TPO: variants seen among roughly 807,000 people sequenced by gnomAD.
TPO encodes the protein thyroid peroxidase.
In TPO, 78 loss-of-function variants were observed where a neutral mutation model predicts 96.9. The ratio of observed to expected loss-of-function variants is 0.81; its 90% CI spans 0.67 to 0.97. TPO has a LOEUF of 0.97. TPO is among the 50% of genes least tolerant of loss of function. The pLI is 0.00. For missense variants in TPO, 1,252 were observed against 1,274.8 expected, an observed-to-expected ratio of 0.98 and a Z score of 0.27; for synonymous variants, 547 against 538.0, an observed-to-expected ratio of 1.02 and a Z score of -0.23.
intron 15 of TPO, 44 bp from the exon 16 acceptor site, chr2:1,540,550 G>A (rs765380407): frequency 1.9e-6 from 3 of 1,608,864 alleles, no homozygotes; most frequent in East Asian, 2.2e-5. Context: ...CCACAGTCAC[G>A]GTGCCGGACC....
At chr2:1,405,514 C>T (rs1325886961) in intron 1 of TPO, among the ~76,000 whole-genome samples, 1 of 151,968 alleles carries the variant, frequency 6.6e-6, no homozygotes, top group Non-Finnish European at 1.5e-5. Flanking sequence ...CATCTATCCA[C>T]CCACCACCTC....
chr2:1,523,201 C>A (rs1675572276), intron 15 of TPO, among the ~76,000 whole-genome samples: 1 of 92,832 alleles, frequency 1.1e-5, no homozygotes. Flanking sequence ...CAACTGTTTG[C>A]AACCTCCCAA....
chr2:1,433,523 C>T lies in TPO; in HGVS notation c.265C>T (p.Arg89Ter), dbSNP rs759809305. The T allele has an allele frequency of 5.0e-6, 8 of 1,614,138 alleles. No individual in the cohort carries two copies. Among genetic ancestry groups the T allele is most frequent in the Admixed American group, 1.7e-5 (1 of 60,020 alleles). ...TGAGCCAACAAGCGGAGTGATTGCC[C>T]GAGCAGCAGAGATAATGGAAACATC... The part of the protein sequence containing the change: ...LPEPTSGVIA[R>*]AAEIMETSIQ... The change falls in exon 4 of 17, where the codon CGA (arginine) becomes TGA (stop). Residue 89 changes from arginine to a stop codon, truncating the protein, a stop_gained. Transcript: ENST00000329066. LOFTEE classifies it high-confidence loss of function.
At chr2:1,475,467 A>G (rs1669811856) in intron 7 of TPO, among the ~76,000 whole-genome samples, 1 of 150,536 alleles carries the variant, frequency 6.6e-6, no homozygotes, top group African/African-American at 2.5e-5. Flanking sequence ...TCTGTCACCC[A>G]GGCAGGAGTA....
Position 1,426,869 on chromosome 2 carries a change from A to G in TPO, c.179+3740A>G, listed in dbSNP as rs545000036. ...AAAGGAAAAAAAATAACTTTTCTAAATAATAATATCCAAAACTAGAGTGTG... is the reference window on the plus strand; with the variant it reads ...AAAGGAAAAAAAATAACTTTTCTAAGTAATAATATCCAAAACTAGAGTGTG... On this transcript the variant is annotated intron_variant, in intron 3 of 16. Transcript: ENST00000329066. 2.6e-5 allele frequency among the ~76,000 whole-genome samples: 4 copies of G among 152,354 alleles called. No homozygotes were observed. In the South Asian group the frequency reaches 6.2e-4, roughly 24 times the overall value.
intron 10 of TPO, among the ~76,000 whole-genome samples, chr2:1,488,218 G>A (rs920091865): frequency 3.9e-5 from 6 of 152,170 alleles, no homozygotes; most frequent in Non-Finnish European, 2.9e-5. Context: ...TCCCAGGAAC[G>A]TATGAGCTGG....
intron 7 of TPO, among the ~76,000 whole-genome samples, chr2:1,465,600 T>C (rs142860193): frequency 6.6e-6 from 1 of 152,318 alleles, no homozygotes; most frequent in East Asian, 1.9e-4. Context: ...GTTTTCCTTG[T>C]AGAGGTCTTT....
Position 1,543,143 on chromosome 2 carries a change from C to T in TPO, c.*669C>T, listed in dbSNP as rs536665893. ...TCACGGGGAACACAGCCCAGTGATC[C>T]CGGAGGAAACTCACTCCCTCCCTGA... On this transcript the variant is annotated 3_prime_UTR_variant, in exon 17 of 17. Coordinates refer to ENST00000329066, the MANE Select transcript of TPO (RefSeq NM_001206744.2). 1 of 153,440 alleles carries T rather than the reference C, an allele frequency of 6.5e-6. No homozygotes were observed. The highest frequency in any genetic ancestry group is 2.1e-4 in the South Asian group (1 of 4,848). 9.5% of individuals were successfully genotyped at this position (153,440 alleles called of 1,614,324 possible).
chr2:1,495,960 G>A (rs1672289427), intron 11 of TPO, 29 bp from the exon 12 acceptor site: 1 of 1,606,906 alleles, frequency 6.2e-7, no homozygotes, highest in Non-Finnish European at 8.5e-7. Flanking sequence ...CATGCACTGT[G>A]ACCTTACTCA....
At chr2:1,422,390 C>CTCCT (rs1157281363) in intron 2 of TPO, among the ~76,000 whole-genome samples, 4 of 150,616 alleles carry the variant, frequency 2.7e-5, no homozygotes, top group African/African-American at 7.3e-5. Context: ...GCAGGCGCCG[C>CTCCT]GCTGGGCCAT....
At chr2:1,478,952 C>T (rs2148680178) in intron 8 of TPO, among the ~76,000 whole-genome samples, 1 of 152,330 alleles carries the variant, frequency 6.6e-6, no homozygotes, top group East Asian at 1.9e-4. Flanking sequence ...CACACAGTAG[C>T]GCTTGGTGGG....
At chr2:1,480,983 C>T (rs1670588758) in intron 8 of TPO, among the ~76,000 whole-genome samples, 1 of 151,968 alleles carries the variant, frequency 6.6e-6, no homozygotes, top group African/African-American at 2.4e-5. Flanking sequence ...CTGCTGTGGG[C>T]ATGTTTGGGA....
chr2:1,394,422 G>C (rs557431750), intron 1 of TPO, among the ~76,000 whole-genome samples: 1 of 152,166 alleles, frequency 6.6e-6, no homozygotes, highest in African/African-American at 2.4e-5. Context: ...CTCAAAATAC[G>C]GGCTGGCCCA....
At chr2:1,472,827 CAAAAAA>C (rs34064729) in intron 7 of TPO, among the ~76,000 whole-genome samples, 12 of 48,328 alleles carry the variant, frequency 2.5e-4, no homozygotes, top group South Asian at 1.3e-3. Flanking sequence ...TGTTTGGCGG[CAAAAAA>C]AAAAAAAAAA....
chr2:1,526,514 A>G (rs1374010248), intron 15 of TPO, among the ~76,000 whole-genome samples: 3 of 121,966 alleles, frequency 2.5e-5, no homozygotes, highest in Non-Finnish European at 3.3e-5. Flanking sequence ...AACCCCCGCA[A>G]ATCCTCCCAG....
intron 16 of TPO, chr2:1,541,357 A>C: frequency 3.8e-6 from 1 of 262,624 alleles, no homozygotes; most frequent in Admixed American, 5.6e-5. Flanking sequence ...TTGCTAAAAC[A>C]ATAGGTTTTT....
At chr2:1,504,378 C>A (rs1156811736) in intron 14 of TPO, among the ~76,000 whole-genome samples, 1 of 152,124 alleles carries the variant, frequency 6.6e-6, no homozygotes, top group Non-Finnish European at 1.5e-5. Flanking sequence ...ACACCCCAGA[C>A]AAAAAACCTA....
Position 1,493,795 on chromosome 2 carries a change from T to C in TPO, c.1769-7T>C. On this transcript the variant is annotated splice_region_variant and splice_polypyrimidine_tract_variant and intron_variant, in intron 10 of 16. Coordinates refer to ENST00000329066, the MANE Select transcript of TPO (RefSeq NM_001206744.2). ...GAGAGAAACCCTGCAGCCTCTCCCCTGTGCAGGTTACAATGAGTGGAGGGA... is the reference window on the plus strand; with the variant it reads ...GAGAGAAACCCTGCAGCCTCTCCCCCGTGCAGGTTACAATGAGTGGAGGGA... 1.9e-6 allele frequency: 3 copies of C among 1,613,874 alleles called. No homozygotes were observed. The highest frequency in any genetic ancestry group is 2.5e-6 in the Non-Finnish European group (3 of 1,179,808).
chr2:1,485,354 T>C (rs367553228), intron 9 of TPO, among the ~76,000 whole-genome samples: 4 of 152,332 alleles, frequency 2.6e-5, no homozygotes, highest in South Asian at 2.1e-4. Context: ...TAAATAGTGC[T>C]GCAATAAACA....
Sources: allele counts gnomAD v4.1 joint callset (sites outside exome capture counted in the v4.1 genomes callset), GRCh38; gene constraint gnomAD v4.1.1; transcripts MANE v1.5; gene names NCBI Gene and HGNC (gene_info 2026-07-23, HGNC 2026-07-21).